PRR5L: variants seen among roughly 807,000 people sequenced by gnomAD.
PRR5L encodes proline rich 5 like.
A neutral mutation model predicts 36.4 loss-of-function variants in PRR5L; 21 were observed. The observed-to-expected ratio is 0.58, with a 90% CI of 0.41 to 0.83. The LOEUF (loss-of-function observed/expected upper bound fraction) is 0.83. PRR5L is among the 40% of genes least tolerant of loss of function. The pLI, the probability that PRR5L is intolerant of heterozygous loss-of-function variation, is 0.00. For missense variants in PRR5L, 381 were observed against 473.3 expected, an observed-to-expected ratio of 0.80 and a Z score of 1.81; for synonymous variants, 188 against 197.0, an observed-to-expected ratio of 0.95 and a Z score of 0.38.
At position 36,343,227 on chromosome 11, in the gene PRR5L, A is replaced by G. The variant is rs528339552; in HGVS notation, c.-126+46789A>G. ...TTGTTTCAAATGTTAAAAAAACAGA[A>G]AAGAGAGACAAATTCTAGTTCAACA... On this transcript the variant is annotated intron_variant, in intron 1 of 8. Transcript: ENST00000530639. Among the ~76,000 whole-genome samples, 5 of 152,338 alleles carry G rather than the reference A, an allele frequency of 3.3e-5. No individual in the cohort carries two copies. In the East Asian group the frequency reaches 9.6e-4, roughly 29 times the overall value.
intron 1 of PRR5L, among the ~76,000 whole-genome samples, chr11:36,359,564 G>A (rs1462103823): frequency 6.6e-6 from 1 of 152,216 alleles, no homozygotes; most frequent in Non-Finnish European, 1.5e-5. Context: ...ATGCAAAGAT[G>A]TCAGCAATTA....
chr11:36,425,091 GGATTA>G (rs898893264), intron 4 of PRR5L, among the ~76,000 whole-genome samples: 16 of 152,140 alleles, frequency 1.1e-4, no homozygotes, highest in Non-Finnish European at 2.2e-4. Context: ...CAAAGTGCTG[GGATTA>G]CAGGTGTGAG....
intron 1 of PRR5L, among the ~76,000 whole-genome samples, chr11:36,395,269 ATAAAGTAGATCAATATGTAG>A (rs1203966849): frequency 4.6e-5 from 7 of 152,392 alleles, no homozygotes; most frequent in Admixed American, 3.9e-4. Context: ...ATTAAACATA[ATAAAGTAGATCAATATGTAG>A]TGATATGGGA....
intron 4 of PRR5L, among the ~76,000 whole-genome samples, chr11:36,420,045 T>C (rs1202561553): frequency 6.6e-6 from 1 of 152,142 alleles, no homozygotes; most frequent in Non-Finnish European, 1.5e-5. Flanking sequence ...CAGAGGATAG[T>C]TTCTAATTCA....
intron 1 of PRR5L, among the ~76,000 whole-genome samples, chr11:36,386,334 TA>T: frequency 6.6e-6 from 1 of 152,184 alleles, no homozygotes; most frequent in Non-Finnish European, 1.5e-5. Flanking sequence ...ATAAATAAAA[TA>T]AAAATATTTA....
chr11:36,413,512 C>G (rs1318410310), intron 3 of PRR5L, among the ~76,000 whole-genome samples: 1 of 152,102 alleles, frequency 6.6e-6, no homozygotes. Flanking sequence ...ACGCATATAG[C>G]AAGGGTATAC....
intron 1 of PRR5L, chr11:36,376,846 T>G: frequency 1.9e-6 from 1 of 514,976 alleles, no homozygotes; most frequent in Non-Finnish European, 2.5e-6. Flanking sequence ...AGTGTCACGT[T>G]TGGGGGGGCA....
chr11:36,397,695 G>A (rs1368865408), intron 1 of PRR5L, among the ~76,000 whole-genome samples: 1 of 152,068 alleles, frequency 6.6e-6, no homozygotes, highest in Admixed American at 6.5e-5. Context: ...GACCTCAGGT[G>A]ATCCGCCTGC....
chr11:36,316,852 G>T (rs534356537), intron 1 of PRR5L, among the ~76,000 whole-genome samples: 5 of 152,278 alleles, frequency 3.3e-5, no homozygotes, highest in Non-Finnish European at 5.9e-5. Flanking sequence ...TTGGGAAAGG[G>T]TTACTATCAA....
intron 8 of PRR5L, 131 bp downstream of exon 8, chr11:36,451,466 C>T (rs528643041): frequency 7.1e-5 from 80 of 1,122,100 alleles, no homozygotes; most frequent in South Asian, 1.3e-4. Flanking sequence ...GCTTCCTGTG[C>T]GGGTCAGTGC....
chr11:36,350,960 A>T lies in PRR5L; in HGVS notation c.-125-50037A>T, dbSNP rs1465596928. Among the ~76,000 whole-genome samples, 133 of 91,536 alleles carry T rather than the reference A, an allele frequency of 1.5e-3. 16 individuals carry two copies. Among genetic ancestry groups the T allele is most frequent in the African/African-American group, 6.7e-3 (125 of 18,736 alleles). 60.1% of individuals were successfully genotyped at this position (91,536 alleles called of 152,430 possible). On this transcript the variant is annotated intron_variant, in intron 1 of 8. Coordinates refer to ENST00000530639, the MANE Select transcript of PRR5L (RefSeq NM_001160167.2). ...TATTTATATATATATATTTATATAT[A>T]TTTATATATTTATATATATTTATAT...
intron 1 of PRR5L, among the ~76,000 whole-genome samples, chr11:36,356,808 G>A (rs1857032757): frequency 6.6e-6 from 1 of 152,072 alleles, no homozygotes; most frequent in Admixed American, 6.6e-5. Flanking sequence ...TCCCTCTCCT[G>A]GGGCCTTGGT....
intron 6 of PRR5L, among the ~76,000 whole-genome samples, chr11:36,439,090 G>A (rs1858667199): frequency 6.6e-6 from 1 of 152,188 alleles, no homozygotes. Context: ...GGGTGTGCAG[G>A]AAAGACCTGC....
At chr11:36,355,450 G>A (rs894347894) in intron 1 of PRR5L, among the ~76,000 whole-genome samples, 14 of 152,068 alleles carry the variant, frequency 9.2e-5, no homozygotes, top group African/African-American at 2.9e-4. Context: ...ATTTAGAAGC[G>A]GAGGCACAAC....
chr11:36,355,641 C>A (rs527278613), intron 1 of PRR5L, among the ~76,000 whole-genome samples: 1 of 151,742 alleles, frequency 6.6e-6, no homozygotes, highest in East Asian at 1.9e-4. Context: ...CCTCTGCCTC[C>A]TGGGTTCAAG....
At chr11:36,305,051 T>C (rs1362420683) in intron 1 of PRR5L, among the ~76,000 whole-genome samples, 1 of 152,174 alleles carries the variant, frequency 6.6e-6, no homozygotes, top group Non-Finnish European at 1.5e-5. Flanking sequence ...TAAAAACACA[T>C]GTTGCCACAA....
intron 3 of PRR5L, among the ~76,000 whole-genome samples, chr11:36,403,636 C>A (rs1036081489): frequency 1.3e-5 from 2 of 152,146 alleles, no homozygotes; most frequent in African/African-American, 4.8e-5. Context: ...TGATAGATGG[C>A]AGCTGTCATT....
chr11:36,451,289 C>T lies in PRR5L; in HGVS notation c.666C>T (p.Leu222=), dbSNP rs756003579. Residue 222 remains leucine, a synonymous_variant, in exon 8 of 9, where the codon CTC becomes CTT. Coordinates refer to ENST00000530639, the MANE Select transcript of PRR5L (RefSeq NM_001160167.2). ...ELVKQVVSPF[L]GISGDRSFSG... ...TGAAGCAAGTGGTTTCTCCTTTCCT[C>T]GGCATCAGCGGGGACCGTAGCTTCT... 33 of 1,614,062 alleles carry T rather than the reference C, an allele frequency of 2.0e-5. No homozygotes were observed. Among genetic ancestry groups the T allele is most frequent in the South Asian group, 4.4e-5 (4 of 91,084 alleles).
At chr11:36,443,714 C>T (rs1490826705) in intron 6 of PRR5L, among the ~76,000 whole-genome samples, 1 of 152,066 alleles carries the variant, frequency 6.6e-6, no homozygotes, top group Non-Finnish European at 1.5e-5. Context: ...GCAGATAATC[C>T]AGTTATTTGG....
Sources: allele counts gnomAD v4.1 joint callset (sites outside exome capture counted in the v4.1 genomes callset), GRCh38; gene constraint gnomAD v4.1.1; transcripts MANE v1.5; gene names NCBI Gene and HGNC (gene_info 2026-07-23, HGNC 2026-07-21).